MYO18B: variants seen among roughly 807,000 people sequenced by gnomAD.
MYO18B encodes myosin XVIIIB.
A neutral mutation model predicts 273.0 loss-of-function variants in MYO18B; 204 were observed. That is an observed-to-expected ratio of 0.75 (90% CI 0.67 to 0.84). The LOEUF (loss-of-function observed/expected upper bound fraction) is 0.84. Among genes scored for constraint, MYO18B ranks in the 40% least tolerant of loss-of-function variants. The pLI, the probability that MYO18B is intolerant of heterozygous loss-of-function variation, is 0.00. For missense variants in MYO18B, 3,212 were observed against 3,287.6 expected (o/e 0.98, Z 0.56); for synonymous variants, 1,330 against 1,305.7 (o/e 1.02, Z -0.40).
the MYO18B span, among the ~76,000 whole-genome samples, chr22:26,038,398 C>T: frequency 6.6e-6 from 1 of 152,026 alleles, no homozygotes; most frequent in Non-Finnish European, 1.5e-5. Flanking sequence ...AAAGTCAGGA[C>T]AACGATGATA....
chr22:25,769,170 C>T lies in MYO18B; in HGVS notation c.1254C>T (p.Ala418=), dbSNP rs1568990876. 1.9e-6 allele frequency: 3 copies of T among 1,612,414 alleles called. No individual in the cohort carries two copies. The highest frequency in any genetic ancestry group is 2.5e-6 in the Non-Finnish European group (3 of 1,179,338). The change falls in exon 4 of 44, where the codon GCC becomes GCT. Residue 418 remains alanine (A), a synonymous_variant. Coordinates refer to ENST00000335473, the MANE Select transcript of MYO18B (RefSeq NM_032608.7). ...GTCAGACAGAGAAGGGCTGTGAAGC[C>T]CCAAAGGAGGTGAGCACAATGGTGG... ...ARSQTEKGCE[A]PKEVSTMVES...
At chr22:26,024,441 G>C (rs1378925718) in intron 42 of MYO18B, among the ~76,000 whole-genome samples, 1 of 152,134 alleles carries the variant, frequency 6.6e-6, no homozygotes, top group Non-Finnish European at 1.5e-5. Flanking sequence ...CAGCGTCCTG[G>C]AGCAGCATGA....
In MYO18B at chr22:25,761,047, A is replaced by G; in HGVS notation, c.-46A>G. ...CCTCATTCCGTGCTGTCTGGCAGGAAGCTCCATCTCATCTCATCATCTCAC... is the reference window on the plus strand; with the variant it reads ...CCTCATTCCGTGCTGTCTGGCAGGAGGCTCCATCTCATCTCATCATCTCAC... On this transcript the variant is annotated 5_prime_UTR_variant, in exon 2 of 44. Transcript: ENST00000335473. 1.2e-6 allele frequency: 2 copies of G among 1,607,336 alleles called. No homozygotes were observed. The highest frequency in any genetic ancestry group is 1.7e-6 in the Non-Finnish European group (2 of 1,175,062).
chr22:25,923,647 G>A (rs143854463), intron 34 of MYO18B, among the ~76,000 whole-genome samples: 35 of 152,270 alleles, frequency 2.3e-4, no homozygotes, highest in Non-Finnish European at 3.5e-4. Flanking sequence ...GACCAGGTGG[G>A]TACGGAACCT....
At chr22:26,049,727 A>C in the MYO18B span, among the ~76,000 whole-genome samples, 1 of 152,124 alleles carries the variant, frequency 6.6e-6, no homozygotes, top group Non-Finnish European at 1.5e-5. Context: ...CTGGGCCGGG[A>C]CTCCAGAGGC....
intron 28 of MYO18B, 166 bp downstream of exon 28, chr22:25,895,446 TG>T (rs1357671005): frequency 2.7e-6 from 2 of 752,794 alleles, no homozygotes; most frequent in Non-Finnish European, 4.2e-6. Flanking sequence ...CTGGTCACTG[TG>T]AGACATGAAA....
chr22:25,859,399 G>GT (rs2090666001), intron 21 of MYO18B, among the ~76,000 whole-genome samples: 1 of 152,142 alleles, frequency 6.6e-6, no homozygotes, highest in Non-Finnish European at 1.5e-5. Context: ...AGAATTGCTA[G>GT]TTTATATGGT....
rs556318134 is a variant in MYO18B at position 26,011,278 on chromosome 22, C to CA, written c.6470+6429dup. On this transcript the variant is annotated intron_variant, in intron 42 of 43. Coordinates refer to ENST00000335473, the MANE Select transcript of MYO18B (RefSeq NM_032608.7). Reference sequence around the variant, plus strand: ...ATTTCTCTCTTCTTCACAGTTTTCACAAAAAATGCAAGCCTGAGTGAGCCT... The same window carrying CA: ...ATTTCTCTCTTCTTCACAGTTTTCACAAAAAAATGCAAGCCTGAGTGAGCCT... Among the ~76,000 whole-genome samples the CA allele has an allele frequency of 2.5e-4, 38 of 152,054 alleles. No homozygotes were observed. In the South Asian group the frequency reaches 7.7e-3, roughly 31 times the overall value.
In MYO18B at chr22:26,023,235, C is replaced by T. The variant is rs117178623; in HGVS notation, c.6471-3210C>T. ...GCTCTAGCCTTCCTTCTCTTCTTCC[C>T]ACATTTCTTTGTCCTCCCTCCACTT... On this transcript the variant is annotated intron_variant, in intron 42 of 43. Transcript: ENST00000335473. 3.1e-3 allele frequency among the ~76,000 whole-genome samples: 479 copies of T among 152,242 alleles called. 17 individuals carry two copies. The South Asian group carries it at 0.067, about 21-fold the overall frequency.
At chr22:25,790,110 G>A (rs1031808421) in intron 11 of MYO18B, among the ~76,000 whole-genome samples, 12 of 152,106 alleles carry the variant, frequency 7.9e-5, no homozygotes, top group Non-Finnish European at 1.0e-4. Context: ...CCGAGATTGC[G>A]CCACTGCACT....
intron 2 of MYO18B, 145 bp downstream of exon 2, chr22:25,761,276 T>G (rs1601613016): frequency 1.1e-6 from 1 of 933,144 alleles, no homozygotes. Flanking sequence ...TTCAACCTTC[T>G]CCCAGCCAGC....
At chr22:25,792,940 A>G (rs1214297699) in intron 11 of MYO18B, among the ~76,000 whole-genome samples, 7 of 152,166 alleles carry the variant, frequency 4.6e-5, no homozygotes, top group Admixed American at 4.6e-4. Context: ...TCTGTGTGTC[A>G]TCTCTTTGCA....
chr22:25,814,250 T>A (rs1233330060), intron 12 of MYO18B, among the ~76,000 whole-genome samples: 1 of 144,788 alleles, frequency 6.9e-6, no homozygotes, highest in Non-Finnish European at 1.5e-5. Context: ...ATAATAACAG[T>A]AGCTCACATT....
chr22:25,750,875 G>T (rs1357381246), intron 1 of MYO18B, among the ~76,000 whole-genome samples: 1 of 152,214 alleles, frequency 6.6e-6, no homozygotes, highest in Non-Finnish European at 1.5e-5. Context: ...GAGCCAGGAA[G>T]GGGAAGGAAA....
At position 25,946,321 on chromosome 22, in the gene MYO18B, T is replaced by G; in HGVS notation, c.5631+71T>G. The G allele has an allele frequency of 2.8e-6, 3 of 1,066,878 alleles. No individual in the cohort carries two copies. In the South Asian group the frequency reaches 4.3e-5, roughly 15 times the overall value. 66.1% of individuals were successfully genotyped at this position (1,066,878 alleles called of 1,614,324 possible). A position where few individuals can be genotyped will look rare whatever the true frequency, so the allele number is the denominator to read the frequency against. On this transcript the variant is annotated intron_variant, in intron 35 of 43. Coordinates refer to ENST00000335473, the MANE Select transcript of MYO18B (RefSeq NM_032608.7). ...CCTCTGGGAGCTAGTGTGGGCCTAG[T>G]GTGCGCTCAGCACTATAGGAAGTAT... is the stretch of plus-strand genomic sequence containing the variant.
chr22:25,929,855 C>G (rs535045882), intron 34 of MYO18B, among the ~76,000 whole-genome samples: 5 of 152,060 alleles, frequency 3.3e-5, no homozygotes, highest in African/African-American at 4.8e-5. Context: ...ATCTTTGTAC[C>G]GTCTGATCTT....
intron 27 of MYO18B, among the ~76,000 whole-genome samples, chr22:25,893,972 CAACT>C (rs939933867): frequency 2.6e-5 from 4 of 152,168 alleles, no homozygotes; most frequent in African/African-American, 7.2e-5. Context: ...CCTATCCAAC[CAACT>C]ATTTATCCAT....
intron 16 of MYO18B, among the ~76,000 whole-genome samples, chr22:25,834,899 G>A (rs2089841959): frequency 6.6e-6 from 1 of 152,114 alleles, no homozygotes; most frequent in South Asian, 2.1e-4. Flanking sequence ...ATCCTTTCTC[G>A]TTTGTGCACA....
intron 12 of MYO18B, among the ~76,000 whole-genome samples, chr22:25,799,222 T>A (rs1445528809): frequency 6.6e-6 from 1 of 150,842 alleles, no homozygotes; most frequent in Non-Finnish European, 1.5e-5. Flanking sequence ...CCCATTCTCA[T>A]CATGACCATC....
Sources: allele counts gnomAD v4.1 joint callset (sites outside exome capture counted in the v4.1 genomes callset), GRCh38; gene constraint gnomAD v4.1.1; transcripts MANE v1.5; gene names NCBI Gene and HGNC (gene_info 2026-07-23, HGNC 2026-07-21).